The following STK3 variants were observed in gnomAD, a reference collection of about 807,000 sequenced individuals.
STK3 encodes serine/threonine-protein kinase 3.
Under a neutral mutation model 58.0 loss-of-function variants are expected in STK3, and 41 were observed. That is an observed-to-expected ratio of 0.71 (90% CI 0.55 to 0.92). STK3 has a LOEUF of 0.92. STK3 is among the 40% of genes least tolerant of loss of function. STK3 has a pLI of 0.00. For synonymous variants in STK3, 170 were observed against 191.0 expected, an observed-to-expected ratio of 0.89 and a Z score of 0.91; for missense variants, 479 against 602.7, an observed-to-expected ratio of 0.79 and a Z score of 2.15.
chr8:98,427,343 G>T (rs1818251081), intron 3 of STK3: 1 of 151,788 alleles, frequency 6.6e-6, no homozygotes, highest in South Asian at 2.1e-4. Flanking sequence ...AGCGCTTCCA[G>T]AACGCGCAGG....
chr8:98,407,774 G>T (rs1165218003), intron 3 of STK3, among the ~76,000 whole-genome samples: 1 of 150,628 alleles, frequency 6.6e-6, no homozygotes, highest in African/African-American at 2.4e-5. Flanking sequence ...GCGCGCGCAT[G>T]CATGGTATGA....
intron 3 of STK3, among the ~76,000 whole-genome samples, chr8:98,752,261 T>C (rs539205405): frequency 1.9e-3 from 293 of 151,844 alleles, no homozygotes; most frequent in Admixed American, 4.5e-3. Flanking sequence ...TACAGACAAA[T>C]GAAACAGAAT....
At chr8:98,867,202 G>A (rs1456737252) in intron 3 of STK3, among the ~76,000 whole-genome samples, 1 of 152,146 alleles carries the variant, frequency 6.6e-6, no homozygotes, top group Non-Finnish European at 1.5e-5. Flanking sequence ...GATTGCTTGA[G>A]CCCAGGAGTT....
chr8:98,375,714 A>C (rs1284513588), intron 2 of STK3, among the ~76,000 whole-genome samples: 3 of 152,100 alleles, frequency 2.0e-5, no homozygotes, highest in African/African-American at 7.2e-5. Flanking sequence ...CATTCACCCA[A>C]GTTGTTGCAT....
chr8:98,435,083 A>G (rs1025436506), intron 2 of STK3, among the ~76,000 whole-genome samples: 1 of 152,152 alleles, frequency 6.6e-6, no homozygotes, highest in Admixed American at 6.5e-5. Flanking sequence ...TAGAATAGAG[A>G]GCACAGGAGC....
At chr8:98,776,031 A>C (rs1831654661) in intron 1 of STK3, among the ~76,000 whole-genome samples, 1 of 151,966 alleles carries the variant, frequency 6.6e-6, no homozygotes, top group Non-Finnish European at 1.5e-5. Flanking sequence ...AAGCAGAAAA[A>C]TTCATTGACA....
intron 3 of STK3, among the ~76,000 whole-genome samples, chr8:98,830,840 G>A (rs1210310294): frequency 6.6e-6 from 1 of 151,858 alleles, no homozygotes; most frequent in Admixed American, 6.6e-5. Context: ...CGTGGTGGTG[G>A]GCACCTGTAC....
At chr8:98,723,081 G>A in intron 4 of STK3, 2 of 257,934 alleles carry the variant, frequency 7.8e-6, no homozygotes, top group South Asian at 8.2e-5. Flanking sequence ...ATACATTACA[G>A]ATTTCATTTC....
intron 1 of STK3, among the ~76,000 whole-genome samples, chr8:98,918,249 T>C (rs964855029): frequency 2.6e-5 from 4 of 152,198 alleles, no homozygotes; most frequent in Admixed American, 2.6e-4. Context: ...AATAATGATG[T>C]TATCAAGTCT....
chr8:98,838,627 G>A (rs950695879), intron 3 of STK3, among the ~76,000 whole-genome samples: 1 of 152,094 alleles, frequency 6.6e-6, no homozygotes, highest in African/African-American at 2.4e-5. Flanking sequence ...TTCAAAGTAA[G>A]CTCAAATTCA....
At chr8:98,526,544 C>A (rs187599120) in intron 10 of STK3, 198 bp downstream of exon 10, 2 of 380,804 alleles carry the variant, frequency 5.3e-6, no homozygotes. Context: ...AAGTATTTCT[C>A]TGCAAGTACA....
chr8:98,417,507 C>G (rs1380842112), intron 3 of STK3, among the ~76,000 whole-genome samples: 1 of 132,858 alleles, frequency 7.5e-6, no homozygotes, highest in African/African-American at 2.8e-5. Context: ...GAGCGAGACT[C>G]TGTCTCAAAA....
intron 1 of STK3, among the ~76,000 whole-genome samples, chr8:98,915,421 A>G (rs1414585620): frequency 9.5e-6 from 1 of 105,704 alleles, no homozygotes; most frequent in Non-Finnish European, 1.8e-5. Context: ...GTTAATACTT[A>G]ATAAACTTTC....
At chr8:98,535,547 T>C (rs1809685047) in intron 9 of STK3, among the ~76,000 whole-genome samples, 1 of 152,036 alleles carries the variant, frequency 6.6e-6, no homozygotes, top group Non-Finnish European at 1.5e-5. Flanking sequence ...TAAGAAACTC[T>C]TCATCCCAGA....
intron 3 of STK3, among the ~76,000 whole-genome samples, chr8:98,752,570 A>C (rs1248672176): frequency 6.6e-6 from 1 of 152,184 alleles, no homozygotes; most frequent in Non-Finnish European, 1.5e-5. Context: ...CACCCAAAGC[A>C]ATCACAACAA....
At chr8:98,529,288 G>A (rs371052120) in intron 9 of STK3, among the ~76,000 whole-genome samples, 4 of 152,230 alleles carry the variant, frequency 2.6e-5, no homozygotes, top group East Asian at 1.9e-4. Context: ...AAACAAAAGG[G>A]GGGGGGACGG....
chr8:98,387,326 T>C (rs1416646710), intron 1 of STK3, among the ~76,000 whole-genome samples: 1 of 152,128 alleles, frequency 6.6e-6, no homozygotes, highest in East Asian at 1.9e-4. Flanking sequence ...TAAGAGAAAA[T>C]AGATACAAAT....
chr8:98,463,508 C>G (rs1228390801), intron 10 of STK3, among the ~76,000 whole-genome samples: 1 of 152,086 alleles, frequency 6.6e-6, no homozygotes, highest in Non-Finnish European at 1.5e-5. Flanking sequence ...AATCAATTCA[C>G]TGATAATTCT....
chr8:98,753,903 T>A (rs907055165), intron 3 of STK3, among the ~76,000 whole-genome samples: 3 of 152,208 alleles, frequency 2.0e-5, no homozygotes, highest in East Asian at 1.9e-4. Flanking sequence ...TGTTCTAGTC[T>A]ATGCTACATA....
Sources: allele counts gnomAD v4.1 joint callset (sites outside exome capture counted in the v4.1 genomes callset), GRCh38; gene constraint gnomAD v4.1.1; transcripts MANE v1.5; gene names NCBI Gene and HGNC (gene_info 2026-07-23, HGNC 2026-07-21).